PPT2: variants seen among roughly 807,000 people sequenced by gnomAD.
PPT2 encodes the protein lysosomal thioesterase PPT2.
A neutral mutation model predicts 37.3 loss-of-function variants in PPT2; 20 were observed. The ratio of observed to expected loss-of-function variants is 0.54; its 90% CI spans 0.38 to 0.78. PPT2 has a LOEUF of 0.78. Among genes scored for constraint, PPT2 ranks in the 30% least tolerant of loss-of-function variants. The pLI is 0.00. For synonymous variants in PPT2, 135 were observed against 159.1 expected (o/e 0.85, Z 1.14); for missense variants, 270 against 389.8 (o/e 0.69, Z 2.59).
intron 7 of PPT2, among the ~76,000 whole-genome samples, chr6:32,159,840 C>T (rs1049533270): frequency 2.0e-5 from 3 of 150,350 alleles, no homozygotes; most frequent in Non-Finnish European, 3.0e-5. Context: ...TCCTGCCTCA[C>T]CTCCCAAGTG....
At chr6:32,159,808 G>A (rs1053196718) in intron 7 of PPT2, among the ~76,000 whole-genome samples, 2 of 149,800 alleles carry the variant, frequency 1.3e-5, no homozygotes, top group African/African-American at 4.9e-5. Flanking sequence ...TGCAACCTCC[G>A]CCTCCTGGGT....
In PPT2 at chr6:32,155,617, TGG is replaced by T; in HGVS notation, c.338-70_338-69del. On this transcript the variant is annotated intron_variant, in intron 3 of 8. Coordinates refer to ENST00000324816, the MANE Select transcript of PPT2 (RefSeq NM_005155.7). This position sits in a 1 kb window ranked among gnomAD's most constrained non-coding sequence, Gnocchi z 4.3. ...GTGTGTGTGTGTGTGTGTGTGTGTG[TGG>T]TGGGGGTGGGGGGTGCTGCTGGCTT... 2.3e-6 allele frequency: 2 copies of T among 868,338 alleles called. No homozygotes were observed. The highest frequency in any genetic ancestry group is 3.7e-6 in the Non-Finnish European group (2 of 544,154). The allele number at this position is 868,338 out of a possible 1,614,324, so 53.8% of individuals were successfully genotyped here.
chr6:32,158,800 C>T (rs990153950), intron 7 of PPT2, among the ~76,000 whole-genome samples: 1 of 151,934 alleles, frequency 6.6e-6, no homozygotes, highest in Non-Finnish European at 1.5e-5. Flanking sequence ...GAAGAACCCC[C>T]CAGGGAGAAG....
chr6:32,157,654 T>C lies in PPT2; in HGVS notation c.559T>C (p.Leu187=). ...GTACCCAGATCCCCACCACGATGACTTGTACCTCAATGCCAGCAGCTTCCT... is the reference window on the plus strand; with the variant it reads ...GTACCCAGATCCCCACCACGATGACCTGTACCTCAATGCCAGCAGCTTCCT... ...NYWHDPHHDD[L]YLNASSFLAL... Residue 187 remains leucine, a synonymous_variant, in exon 6 of 9, where the codon TTG becomes CTG. Transcript: ENST00000324816. The C allele has an allele frequency of 6.3e-7, 1 of 1,599,938 alleles. No individual in the cohort carries two copies. Among genetic ancestry groups the C allele is most frequent in the Non-Finnish European group, 8.6e-7 (1 of 1,167,894 alleles).
rs28359849 is a variant in PPT2 at position 32,155,584 on chromosome 6, C to CTGTGTGTGTGTGTGTGTG, written c.338-87_338-70dup. 4 of 698,634 alleles carry CTGTGTGTGTGTGTGTGTG rather than the reference C, an allele frequency of 5.7e-6. No individual in the cohort carries two copies. Among genetic ancestry groups the CTGTGTGTGTGTGTGTGTG allele is most frequent in the African/African-American group, 2.2e-5 (1 of 45,974 alleles). The allele number at this position is 698,634 out of a possible 1,614,324, so 43.3% of individuals were successfully genotyped here. On this transcript the variant is annotated intron_variant, in intron 3 of 8. Coordinates refer to ENST00000324816, the MANE Select transcript of PPT2 (RefSeq NM_005155.7). The surrounding 1 kb of genome is among the most constrained non-coding windows in gnomAD (Gnocchi z 4.3). The stretch of plus-strand genomic sequence containing the variant: ...GTACAGTGTGTGTCTGTGTGTGTCT[C>CTGTGTGTGTGTGTGTGTG]TGTGTGTGTGTGTGTGTGTGTGTGT...
rs938042444 is a variant in PPT2, at chr6:32,162,515, C to T, written c.711-53C>T. On this transcript the variant is annotated intron_variant, in intron 7 of 8. Coordinates refer to ENST00000324816, the MANE Select transcript of PPT2 (RefSeq NM_005155.7). This position sits in a 1 kb window ranked among gnomAD's most constrained non-coding sequence, Gnocchi z 5.5. ...AATTACAGGCGTGTGCCACTGCGCCCGGCCAGATTTTCTCCAGCTCTTCTG... is the reference window on the plus strand; with the variant it reads ...AATTACAGGCGTGTGCCACTGCGCCTGGCCAGATTTTCTCCAGCTCTTCTG... The T allele has an allele frequency of 2.0e-5, 30 of 1,537,650 alleles. No individual in the cohort carries two copies. The highest frequency in any genetic ancestry group is 3.4e-4 in the Middle Eastern group (2 of 5,902).
Position 32,154,941 on chromosome 6 carries a change from G to T in PPT2, c.184-89G>T. The T allele has an allele frequency of 6.3e-7, 1 of 1,580,900 alleles. No individual in the cohort carries two copies. Among genetic ancestry groups the T allele is most frequent in the East Asian group, 2.2e-5 (1 of 44,646 alleles). ...GGACGGGATCCCTGGTTCTAGCAGG[G>T]TACAATAGACCTGTGGACGCGGGCC... is the stretch of plus-strand genomic sequence containing the variant. On this transcript the variant is annotated intron_variant, in intron 2 of 8. Transcript: ENST00000324816. This position sits in a 1 kb window ranked among gnomAD's most constrained non-coding sequence, Gnocchi z 7.3.
upstream of PPT2, chr6:32,153,734 C>A: frequency 7.0e-7 from 1 of 1,420,210 alleles, no homozygotes. This position sits in a 1 kb window ranked among gnomAD's most constrained non-coding sequence, Gnocchi z 4.4. Context: ...CCCTGCCACT[C>A]ACCCAGCACA....
At chr6:32,153,897 A>C, upstream of PPT2, 1 of 1,289,678 alleles carries the variant, frequency 7.8e-7, no homozygotes, top group South Asian at 1.6e-5. This position sits in a 1 kb window ranked among gnomAD's most constrained non-coding sequence, Gnocchi z 4.4. Context: ...CGCTGGGGGC[A>C]ACGAAGCCTG....
At chr6:32,159,758 G>C (rs1457109327) in intron 7 of PPT2, among the ~76,000 whole-genome samples, 1 of 140,024 alleles carries the variant, frequency 7.1e-6, no homozygotes, top group African/African-American at 2.7e-5. Context: ...TTTTGTTCTT[G>C]TCGCCCAGGC....
At position 32,155,941 on chromosome 6, in the gene PPT2, C is replaced by T. The variant is rs1220266830; in HGVS notation, c.504C>T (p.Pro168=). 25 of 1,613,984 alleles carry T rather than the reference C, an allele frequency of 1.5e-5. No individual in the cohort carries two copies. The highest frequency in any genetic ancestry group is 2.0e-5 in the Non-Finnish European group (24 of 1,179,998). The change falls in exon 5 of 9, where the codon CCC becomes CCT. Residue 168 remains proline (P), a synonymous_variant. Coordinates refer to ENST00000324816, the MANE Select transcript of PPT2 (RefSeq NM_005155.7). The surrounding 1 kb of genome is among the most constrained non-coding windows in gnomAD (Gnocchi z 4.3). ...RSNLYRICYS[P]WGQEFSICNY... Reference sequence around the variant, plus strand: ...ACCTCTATCGGATCTGCTATAGCCCCTGGGGCCAGGAATTCTCCATCTGCA... The same window carrying T: ...ACCTCTATCGGATCTGCTATAGCCCTTGGGGCCAGGAATTCTCCATCTGCA...
At chr6:32,157,297 T>G in intron 5 of PPT2, 1 of 391,650 alleles carries the variant, frequency 2.6e-6, no homozygotes, top group Non-Finnish European at 4.8e-6. Context: ...CTCGGCTCAC[T>G]GTAACCTCCA....
In PPT2 at chr6:32,154,924, T is replaced by A; in HGVS notation, c.184-106T>A. 7.8e-6 allele frequency: 12 copies of A among 1,548,222 alleles called. No homozygotes were observed. Among genetic ancestry groups the A allele is most frequent in the Non-Finnish European group, 1.1e-5 (12 of 1,132,784 alleles). On this transcript the variant is annotated intron_variant, in intron 2 of 8. Coordinates refer to ENST00000324816, the MANE Select transcript of PPT2 (RefSeq NM_005155.7). This position sits in a 1 kb window ranked among gnomAD's most constrained non-coding sequence, Gnocchi z 7.3. ...CGTGGGGGAGAGTTGGGGGACGGGA[T>A]CCCTGGTTCTAGCAGGGTACAATAG... is the stretch of plus-strand genomic sequence containing the variant.
chr6:32,157,874 G>C lies in PPT2; in HGVS notation c.660G>C (p.Leu220=), dbSNP rs374320490. 6 of 1,612,882 alleles carry C rather than the reference G, an allele frequency of 3.7e-6. No homozygotes were observed. Among genetic ancestry groups the C allele is most frequent in the Admixed American group, 1.7e-5 (1 of 59,994 alleles). ...WRKNFLRVGH[L]VLIGGPDDGV... ...AGAACTTTCTGCGTGTGGGCCACCT[G>C]GTGCTGATTGGGGGCCCTGATGATG... is the stretch of plus-strand genomic sequence containing the variant. Residue 220 remains leucine (L), a synonymous_variant, in exon 7 of 9, where the codon CTG becomes CTC. Coordinates refer to ENST00000324816, the MANE Select transcript of PPT2 (RefSeq NM_005155.7).
In PPT2 at chr6:32,162,958, T is replaced by C. The variant is rs1784261278; in HGVS notation, c.*8T>C. The C allele has an allele frequency of 1.2e-6, 2 of 1,607,454 alleles. No homozygotes were observed. The highest frequency in any genetic ancestry group is 1.7e-6 in the Non-Finnish European group (2 of 1,177,572). ...GAACCTTGGCTCTCCTGAGGATATA[T>C]TCAGGGGTCCCCAGGAACTCCTCGG... On this transcript the variant is annotated 3_prime_UTR_variant, in exon 9 of 9. Coordinates refer to ENST00000324816, the MANE Select transcript of PPT2 (RefSeq NM_005155.7). The surrounding 1 kb of genome is among the most constrained non-coding windows in gnomAD (Gnocchi z 5.5).
At chr6:32,161,540 T>C (rs1161845318) in intron 7 of PPT2, among the ~76,000 whole-genome samples, 7 of 142,530 alleles carry the variant, frequency 4.9e-5, no homozygotes, top group East Asian at 2.1e-4. Context: ...CCACCCTCCT[T>C]GGTCTCCCAA....
chr6:32,158,988 T>A lies in PPT2; in HGVS notation c.710+1064T>A, dbSNP rs1005190049. On this transcript the variant is annotated intron_variant, in intron 7 of 8. Coordinates refer to ENST00000324816, the MANE Select transcript of PPT2 (RefSeq NM_005155.7). ...TTGATATTTTTTTTTCTTTTTTTTG[T>A]GATAAAATATACATAACATAAAATT... Among the ~76,000 whole-genome samples, 5 of 152,180 alleles carry A rather than the reference T, an allele frequency of 3.3e-5. No individual in the cohort carries two copies. The East Asian group carries it at 7.7e-4, about 24-fold the overall frequency.
rs767651019 is a variant in PPT2 at position 32,162,850 on chromosome 6, G to A, written c.809G>A (p.Arg270Gln). ...DSFGLKTLLA[R>Q]GAIVRCPMAG... ...TTTGGGTTGAAGACTCTATTGGCCC[G>A]GGGGGCCATAGTGAGGTGTCCAATG... is the stretch of plus-strand genomic sequence containing the variant. The change falls in exon 9 of 9, where the codon CGG (arginine) becomes CAG (glutamine). Residue 270 changes from arginine to glutamine, a missense_variant. By Grantham distance (43) the Arg-to-Gln change is conservative (BLOSUM62 1). Coordinates refer to ENST00000324816, the MANE Select transcript of PPT2 (RefSeq NM_005155.7). The surrounding 1 kb of genome is among the most constrained non-coding windows in gnomAD (Gnocchi z 5.5). 2.5e-6 allele frequency: 4 copies of A among 1,613,260 alleles called. No individual in the cohort carries two copies. In the South Asian group the frequency reaches 3.3e-5, roughly 13 times the overall value.
rs1280679981 is a variant in PPT2 at position 32,154,309 on chromosome 6, T to C, written c.-104T>C. On this transcript the variant is annotated 5_prime_UTR_variant, in exon 1 of 9. Coordinates refer to ENST00000324816, the MANE Select transcript of PPT2 (RefSeq NM_005155.7). This position sits in a 1 kb window ranked among gnomAD's most constrained non-coding sequence, Gnocchi z 7.3. ...CTCACGGGTATTAAAGAACTCCGCG[T>C]TGTTCATGGCTGAGGCGATGCATTA... 3.7e-6 allele frequency: 5 copies of C among 1,361,354 alleles called. No individual in the cohort carries two copies. The African/African-American group carries it at 4.4e-5, about 12-fold the overall frequency. The allele number at this position is 1,361,354 out of a possible 1,614,324, so 84.3% of individuals were successfully genotyped here. A position where few individuals can be genotyped will look rare whatever the true frequency, so the allele number is the denominator to read the frequency against.
Sources: allele counts gnomAD v4.1 joint callset (sites outside exome capture counted in the v4.1 genomes callset), GRCh38; gene constraint gnomAD v4.1.1; non-coding constraint Gnocchi (gnomAD v3.1); transcripts MANE v1.5; gene names NCBI Gene and HGNC (gene_info 2026-07-23, HGNC 2026-07-21).